Variants in USP13 observed in about 807,000 individuals in gnomAD.
USP13 encodes ubiquitin specific peptidase 13, also known as ubiquitin carboxyl-terminal hydrolase 13.
In USP13, 68 loss-of-function variants were observed where a neutral mutation model predicts 107.8. That is an observed-to-expected ratio of 0.63 (90% confidence interval 0.52 to 0.77). The LOEUF (loss-of-function observed/expected upper bound fraction) is 0.77. Among genes scored for constraint, USP13 ranks in the 30% least tolerant of loss-of-function variants. USP13 has a pLI of 0.00. For missense variants in USP13, 945 were observed against 1,093.3 expected (o/e 0.86, Z 1.91); for synonymous variants, 377 against 389.5 (o/e 0.97, Z 0.38).
intron 19 of USP13, among the ~76,000 whole-genome samples, chr3:179,777,601 C>T (rs542825791): frequency 3.0e-4 from 46 of 152,080 alleles, no homozygotes; most frequent in African/African-American, 1.0e-3. Context: ...TACAGGTGCA[C>T]GCCACCATGC....
chr3:179,756,436 A>G (rs1189242448), intron 15 of USP13, among the ~76,000 whole-genome samples: 1 of 150,460 alleles, frequency 6.6e-6, no homozygotes, highest in Non-Finnish European at 1.5e-5. Context: ...AAACAAACAA[A>G]CAAACAAACA....
chr3:179,712,459 T>C (rs1712964899), intron 6 of USP13, among the ~76,000 whole-genome samples: 1 of 152,026 alleles, frequency 6.6e-6, no homozygotes, highest in African/African-American at 2.4e-5. Flanking sequence ...TTTTAAAGGG[T>C]TAATCAGTTC....
rs527443410 is a variant in USP13, at chr3:179,665,256, T to A, written c.168+11863T>A. ...GACCATGGCAGGATCTCTATCGTAG[T>A]GGAGTGTGTATGCTAATTTCAAGTG... On this transcript the variant is annotated intron_variant, in intron 1 of 20. Transcript: ENST00000263966. Among the ~76,000 whole-genome samples the A allele has an allele frequency of 3.3e-5, 5 of 152,224 alleles. No individual in the cohort carries two copies. The South Asian group carries it at 1.0e-3, about 32-fold the overall frequency.
chr3:179,740,133 C>A, intron 10 of USP13, 114 bp from the exon 11 acceptor site: 1 of 1,450,782 alleles, frequency 6.9e-7, no homozygotes, highest in Non-Finnish European at 9.4e-7. Context: ...CTTCTTTGGG[C>A]TGTAGTTTTC....
chr3:179,686,737 C>T (rs900568840), intron 2 of USP13, among the ~76,000 whole-genome samples: 1 of 152,244 alleles, frequency 6.6e-6, no homozygotes, highest in East Asian at 1.9e-4. Flanking sequence ...TCTTGTTAAT[C>T]CACTAACACT....
intron 8 of USP13, among the ~76,000 whole-genome samples, chr3:179,726,153 C>T (rs995982511): frequency 3.9e-5 from 6 of 152,188 alleles, no homozygotes; most frequent in East Asian, 1.9e-4. Flanking sequence ...TCTCGGGAGG[C>T]GACTTGTCAA....
At chr3:179,779,186 C>T (rs1349118968) in intron 19 of USP13, among the ~76,000 whole-genome samples, 1 of 151,564 alleles carries the variant, frequency 6.6e-6, no homozygotes, top group African/African-American at 2.4e-5. Flanking sequence ...CAGAGAGCCA[C>T]TGGAGGGTTT....
chr3:179,722,938 G>A (rs1713378103), intron 8 of USP13, among the ~76,000 whole-genome samples: 2 of 152,182 alleles, frequency 1.3e-5, no homozygotes, highest in Admixed American at 1.3e-4. Context: ...TATGTCTGTG[G>A]CTGTTTTCTT....
rs1415638639 is a variant in USP13 at position 179,784,164 on chromosome 3, A to G, written c.*23A>G. ...TAAACCTCAAATATAAAAATTGGCG[A>G]AAAGAAGCCATACGCCTTTTTAATT... On this transcript the variant is annotated 3_prime_UTR_variant, in exon 21 of 21. Transcript: ENST00000263966. 1 of 1,574,454 alleles carries G rather than the reference A, an allele frequency of 6.4e-7. No homozygotes were observed. The highest frequency in any genetic ancestry group is 2.2e-5 in the East Asian group (1 of 44,660).
At chr3:179,756,595 T>G (rs1437752555) in intron 15 of USP13, among the ~76,000 whole-genome samples, 4 of 151,598 alleles carry the variant, frequency 2.6e-5, no homozygotes, top group Admixed American at 1.3e-4. Context: ...AATAAAAAAT[T>G]TAAAAGTTTG....
intron 15 of USP13, 51 bp from the exon 16 acceptor site, chr3:179,757,001 A>G (rs1418636727): frequency 2.5e-6 from 4 of 1,602,772 alleles, no homozygotes; most frequent in Non-Finnish European, 3.4e-6. Flanking sequence ...TTTTTCTAAA[A>G]CTCCTCAACA....
intron 8 of USP13, among the ~76,000 whole-genome samples, 169 bp from the exon 9 acceptor site, chr3:179,730,011 ACGTTTCAGG>A (rs1713740669): frequency 6.6e-6 from 1 of 152,216 alleles, no homozygotes; most frequent in Non-Finnish European, 1.5e-5. Flanking sequence ...AGAAGCATAA[ACGTTTCAGG>A]AAGGTCATGA....
Position 179,742,298 on chromosome 3 carries a change from G to T in USP13, c.1482G>T (p.Arg494Ser). The stretch of plus-strand genomic sequence containing the variant: ...CCCGGAAAGTCCGCTACACGGAGAG[G>T]GTGGATTACCTGATGCAGTTACCTG... ...CQTRKVRYTERVDYLMQLPVA... is the reference protein window; with the variant it reads ...CQTRKVRYTESVDYLMQLPVA... Residue 494 changes from arginine (R) to serine (S), a missense_variant, in exon 12 of 21, where the codon AGG (arginine) becomes AGT (serine). Arg to Ser is a moderately radical substitution (Grantham distance 110). Transcript: ENST00000263966. This position sits in a 1 kb window ranked among gnomAD's most constrained non-coding sequence, Gnocchi z 5.0. 5.6e-6 allele frequency: 9 copies of T among 1,614,208 alleles called. No individual in the cohort carries two copies. Among genetic ancestry groups the T allele is most frequent in the Middle Eastern group, 1.6e-4 (1 of 6,062 alleles).
rs556160864 is a variant in USP13, at chr3:179,665,455, T to G, written c.168+12062T>G. Among the ~76,000 whole-genome samples the G allele has an allele frequency of 2.6e-4, 40 of 152,312 alleles. No homozygotes were observed. The East Asian group carries it at 7.7e-3, about 29-fold the overall frequency. On this transcript the variant is annotated intron_variant, in intron 1 of 20. Transcript: ENST00000263966. ...TACGATTTTGCCCCTGTTTTACGGA[T>G]GAGGAAATGGAGAGTCAGAGAGGTT...
At chr3:179,758,944 T>C (rs909730224) in intron 16 of USP13, among the ~76,000 whole-genome samples, 1 of 152,162 alleles carries the variant, frequency 6.6e-6, no homozygotes, top group South Asian at 2.1e-4. Flanking sequence ...CTTCTATTAT[T>C]GTGCCTGGCT....
intron 17 of USP13, among the ~76,000 whole-genome samples, chr3:179,763,550 A>G (rs1247412522): frequency 6.6e-6 from 1 of 152,210 alleles, no homozygotes; most frequent in Non-Finnish European, 1.5e-5. Context: ...TCTCAATTCT[A>G]TTTAATCGAT....
At chr3:179,763,178 T>C (rs1715064929) in intron 17 of USP13, among the ~76,000 whole-genome samples, 1 of 152,254 alleles carries the variant, frequency 6.6e-6, no homozygotes, top group African/African-American at 2.4e-5. Context: ...GTTTTTTCAC[T>C]TTCTTGATGG....
chr3:179,785,128 T>C lies in USP13; in HGVS notation c.*987T>C, dbSNP rs1047370354. ...TTTAGTAAAAATAGCTAATCTCTTT[T>C]TACCATCTCACATGATAACTCTTTG... On this transcript the variant is annotated 3_prime_UTR_variant, in exon 21 of 21. Transcript: ENST00000263966. 1 of 152,214 alleles carries C rather than the reference T, an allele frequency of 6.6e-6. No homozygotes were observed. The highest frequency in any genetic ancestry group is 6.5e-5 in the Admixed American group (1 of 15,286). The allele number at this position is 152,214 out of a possible 1,614,324, so 9.4% of individuals were successfully genotyped here.
intron 2 of USP13, 58 bp downstream of exon 2, chr3:179,682,061 G>T: frequency 6.5e-7 from 1 of 1,539,370 alleles, no homozygotes; most frequent in Non-Finnish European, 8.8e-7. Flanking sequence ...CGTTGTCTCA[G>T]TGTGCTTTCT....
Sources: allele counts gnomAD v4.1 joint callset (sites outside exome capture counted in the v4.1 genomes callset), GRCh38; gene constraint gnomAD v4.1.1; non-coding constraint Gnocchi (gnomAD v3.1); transcripts MANE v1.5; gene names NCBI Gene and HGNC (gene_info 2026-07-23, HGNC 2026-07-21).